The following ZNF565 variants were observed in gnomAD, a reference collection of about 807,000 sequenced individuals.
ZNF565 encodes zinc finger protein 565.
A neutral mutation model predicts 39.4 loss-of-function variants in ZNF565; 27 were observed. The observed-to-expected ratio is 0.69, with a 90% CI of 0.51 to 0.95. ZNF565 has a LOEUF of 0.95. Ranked by LOEUF, ZNF565 falls within the 40% of genes least tolerant of loss-of-function variation. The pLI is 0.00. For missense variants in ZNF565, 524 were observed against 621.1 expected, an observed-to-expected ratio of 0.84 and a Z score of 1.66; for synonymous variants, 185 against 216.6, an observed-to-expected ratio of 0.85 and a Z score of 1.28.
chr19:36,182,831 T>C lies in ZNF565; in HGVS notation c.1135A>G (p.Thr379Ala), dbSNP rs1975134670. 1 of 1,614,172 alleles carries C rather than the reference T, an allele frequency of 6.2e-7. No individual in the cohort carries two copies. Among genetic ancestry groups the C allele is most frequent in the Non-Finnish European group, 8.5e-7 (1 of 1,180,038 alleles). Residue 379 changes from threonine (T) to alanine (A), a missense_variant, in exon 5 of 5, where the codon ACA becomes GCA. By Grantham distance (58) the Thr-to-Ala change is moderately conservative. Transcript: ENST00000304116. ...GKAFRQHAQL[T>A]RHQRVHTGDR... The stretch of plus-strand genomic sequence containing the variant: ...CCAGTATGGACTCTCTGATGTCGTG[T>C]GAGCTGTGCGTGCTGTCTGAAGGCC...
At chr19:36,232,118 G>A (rs1040856008) in intron 1 of ZNF565, among the ~76,000 whole-genome samples, 2 of 151,118 alleles carry the variant, frequency 1.3e-5, no homozygotes, top group Admixed American at 1.3e-4. Context: ...CAGGAGAATC[G>A]GTTGAACCTG....
chr19:36,207,678 G>C (rs1231498488), intron 1 of ZNF565, among the ~76,000 whole-genome samples: 1 of 152,188 alleles, frequency 6.6e-6, no homozygotes, highest in Non-Finnish European at 1.5e-5. Context: ...GGGGCACACA[G>C]AAAATGACAT....
intron 4 of ZNF565, among the ~76,000 whole-genome samples, chr19:36,185,270 C>T (rs985147501): frequency 2.6e-5 from 4 of 151,902 alleles, no homozygotes; most frequent in Admixed American, 6.6e-5. Context: ...CAAAATTAGC[C>T]GGCCGTGGTG....
intron 2 of ZNF565, among the ~76,000 whole-genome samples, chr19:36,199,637 G>A (rs533679731): frequency 8.6e-5 from 13 of 151,142 alleles, no homozygotes; most frequent in Non-Finnish European, 1.8e-4. Flanking sequence ...CTCCTGAGTA[G>A]CTGGGACTAC....
At position 36,245,863 on chromosome 19, in the gene ZNF565, G is replaced by A. The variant is rs1196713853; in HGVS notation, c.-333C>T. On this transcript the variant is annotated 5_prime_UTR_variant, in exon 1 of 5. Transcript: ENST00000355114. This position sits in a 1 kb window ranked among gnomAD's most constrained non-coding sequence, Gnocchi z 4.4. ...CTGGATCCGCTGTCTCGGTTTGGGT[G>A]CGGGGCCTTGGCTCAGGCGGAACCC... The A allele has an allele frequency of 3.2e-6, 1 of 309,250 alleles. No individual in the cohort carries two copies. The highest frequency in any genetic ancestry group is 4.8e-5 in the Admixed American group (1 of 20,758). The allele number at this position is 309,250 out of a possible 1,614,324, so 19.2% of individuals were successfully genotyped here. A position where few individuals can be genotyped will look rare whatever the true frequency, so the allele number is the denominator to read the frequency against.
rs145831714 is a variant in ZNF565, at chr19:36,194,707, G to A, written c.136+323C>T. The stretch of plus-strand genomic sequence containing the variant: ...TGTGCCCAGCTCTGGGATCCCGACA[G>A]CTCACCGTAAGGACTGCATTACCCA... On this transcript the variant is annotated intron_variant, in intron 3 of 4. Transcript: ENST00000304116. 4.8e-4 allele frequency: 233 copies of A among 489,014 alleles called. 1 individual carries two copies. The highest frequency in any genetic ancestry group is 4.3e-3 in the African/African-American group (220 of 51,622). 30.3% of individuals were successfully genotyped at this position (489,014 alleles called of 1,614,324 possible).
chr19:36,228,287 A>T (rs1288115328), intron 1 of ZNF565, among the ~76,000 whole-genome samples: 1 of 151,840 alleles, frequency 6.6e-6, no homozygotes, highest in Non-Finnish European at 1.5e-5. Flanking sequence ...CATTGTGCCC[A>T]TGTGCTTTAG....
At chr19:36,237,426 C>CT in intron 1 of ZNF565, 1 of 1,381,058 alleles carries the variant, frequency 7.2e-7, no homozygotes, top group Non-Finnish European at 9.7e-7. Flanking sequence ...ATGAGGTTAA[C>CT]TTTAACAAGT....
intron 1 of ZNF565, among the ~76,000 whole-genome samples, chr19:36,209,443 C>A (rs79041112): frequency 0.015 from 2,350 of 152,018 alleles, 72 homozygotes; most frequent in African/African-American, 0.054. Flanking sequence ...TGCTGTGAGC[C>A]GAGATTGCGC....
chr19:36,211,203 G>T (rs1490387106), intron 1 of ZNF565, among the ~76,000 whole-genome samples: 2 of 152,008 alleles, frequency 1.3e-5, no homozygotes, highest in Non-Finnish European at 2.9e-5. Context: ...AGCATTTTGG[G>T]AGGCCAAGGT....
rs1219942667 is a variant in ZNF565 at position 36,189,085 on chromosome 19, C to T, written c.232+5148G>A. ...TTCTGTTTGGGATGATGCATAAGCTCTGGAAGCAGAGTGTATAATGCTGTG... is the reference window on the plus strand; with the variant it reads ...TTCTGTTTGGGATGATGCATAAGCTTTGGAAGCAGAGTGTATAATGCTGTG... On this transcript the variant is annotated intron_variant, in intron 4 of 4. Coordinates refer to ENST00000304116, the MANE Select transcript of ZNF565 (RefSeq NM_152477.5). Among the ~76,000 whole-genome samples the T allele has an allele frequency of 4.6e-5, 7 of 151,926 alleles. No individual in the cohort carries two copies. The East Asian group carries it at 1.4e-3, about 30-fold the overall frequency.
At position 36,183,720 on chromosome 19, in the gene ZNF565, C is replaced by G; in HGVS notation, c.246G>C (p.Arg82Ser). The G allele has an allele frequency of 6.2e-7, 1 of 1,609,182 alleles. No individual in the cohort carries two copies. Among genetic ancestry groups the G allele is most frequent in the Non-Finnish European group, 8.5e-7 (1 of 1,177,476 alleles). ...TGPWCPDLES[R>S]CEKFLQKDIF... The stretch of plus-strand genomic sequence containing the variant: ...TGTCTTTTTGTAGAAATTTCTCACA[C>G]CTGGACTCCAAGTCTGAAAAATAAG... The change falls in exon 5 of 5, where the codon AGG becomes AGC. Residue 82 changes from arginine to serine, a missense_variant. Transcript: ENST00000304116.
intron 1 of ZNF565, among the ~76,000 whole-genome samples, chr19:36,239,069 G>A (rs1383661309): frequency 1.3e-5 from 2 of 152,150 alleles, no homozygotes; most frequent in East Asian, 1.9e-4. Context: ...CAAACCGTCC[G>A]TGGAAAAATT....
intron 1 of ZNF565, among the ~76,000 whole-genome samples, chr19:36,239,327 C>CT (rs66496075): frequency 1.0e-3 from 145 of 141,904 alleles, no homozygotes; most frequent in South Asian, 1.8e-3. Context: ...TTGATAATAT[C>CT]TTTTTTTTTT....
downstream of ZNF565, chr19:36,182,252 G>C: frequency 4.9e-6 from 2 of 409,550 alleles, no homozygotes; most frequent in Non-Finnish European, 8.5e-6. Context: ...TTTTTTTTTA[G>C]CATAGATTAT....
intron 4 of ZNF565, among the ~76,000 whole-genome samples, chr19:36,191,373 C>T (rs1350816499): frequency 2.1e-5 from 3 of 142,040 alleles, no homozygotes; most frequent in Non-Finnish European, 4.5e-5. Flanking sequence ...GGCTGGAGTG[C>T]AGTGGGGCAA....
chr19:36,244,356 G>C (rs2918382), intron 1 of ZNF565, among the ~76,000 whole-genome samples: 100,187 of 151,574 alleles, frequency 0.66, 33,080 homozygotes, highest in Middle Eastern at 0.73. Context: ...CAAGACCAGT[G>C]TGGTCAAAAT....
chr19:36,219,894 A>G (rs1260290727), intron 1 of ZNF565, among the ~76,000 whole-genome samples: 1 of 152,116 alleles, frequency 6.6e-6, no homozygotes, highest in Non-Finnish European at 1.5e-5. Context: ...CATTCCTTTT[A>G]CATTTGTTTC....
intron 1 of ZNF565, chr19:36,213,216 CTT>C (rs1976431136): frequency 6.6e-6 from 1 of 152,332 alleles, no homozygotes; most frequent in Non-Finnish European, 1.5e-5. Flanking sequence ...CACATCCACT[CTT>C]TTATTTTTTT....
Sources: gnomAD v4.1 joint callset for allele counts (sites outside exome capture counted in the v4.1 genomes callset) on GRCh38, gnomAD v4.1.1 for gene constraint, Gnocchi (gnomAD v3.1) non-coding constraint, MANE v1.5 for transcripts, NCBI Gene and HGNC (gene_info 2026-07-23, HGNC 2026-07-21) for gene names.